TSPAN14: variants seen among roughly 807,000 people sequenced by gnomAD.
TSPAN14 encodes tetraspanin 14, also known as tetraspanin-14.
Under a neutral mutation model 36.6 loss-of-function variants are expected in TSPAN14, and 16 were observed. The ratio of observed to expected loss-of-function variants is 0.44; its 90% CI spans 0.30 to 0.66. TSPAN14 has a LOEUF of 0.66. TSPAN14 is among the 30% of genes least tolerant of loss of function. The pLI is 0.12. For synonymous variants in TSPAN14, 139 were observed against 143.8 expected (o/e 0.97, Z 0.24); for missense variants, 231 against 355.1 (o/e 0.65, Z 2.81).
intron 6 of TSPAN14, among the ~76,000 whole-genome samples, 196 bp from the exon 7 acceptor site, chr10:80,513,823 C>T (rs959177057): frequency 6.6e-6 from 1 of 152,236 alleles, no homozygotes; most frequent in East Asian, 1.9e-4. Flanking sequence ...GAAGTACTCA[C>T]TCTCTAGCCC....
chr10:80,501,855 A>T (rs1437031616), intron 2 of TSPAN14, among the ~76,000 whole-genome samples: 1 of 152,116 alleles, frequency 6.6e-6, no homozygotes, highest in Non-Finnish European at 1.5e-5. Context: ...AATCCTGGGG[A>T]GTCACTCATG....
rs1589237968 is a variant in TSPAN14, at chr10:80,466,254, C to T, written c.-18+11883C>T. ...ATAGGGTTGCACCTTGGAGTGTCCT[C>T]ATTTTATTTTATTTTTTGACATGGA... On this transcript the variant is annotated intron_variant, in intron 1 of 8. Coordinates refer to ENST00000429989, the Ensembl canonical transcript of TSPAN14. Among the ~76,000 whole-genome samples, 6 of 152,194 alleles carry T rather than the reference C, an allele frequency of 3.9e-5. No homozygotes were observed. The South Asian group carries it at 1.2e-3, about 32-fold the overall frequency.
In TSPAN14 at chr10:80,509,548, T is replaced by C; in HGVS notation, c.450+77T>C. 1 of 1,485,910 alleles carries C rather than the reference T, an allele frequency of 6.7e-7. No homozygotes were observed. Among genetic ancestry groups the C allele is most frequent in the Non-Finnish European group, 9.1e-7 (1 of 1,095,030 alleles). 92.0% of individuals were successfully genotyped at this position (1,485,910 alleles called of 1,614,324 possible). A position where few individuals can be genotyped will look rare whatever the true frequency, so the allele number is the denominator to read the frequency against. ...CCTGGAGCTGAGTCTAGCAGGGGCA[T>C]CAGGCCTTCTCTGTGGGTTGTCTGC... On this transcript the variant is annotated intron_variant, in intron 5 of 8. Coordinates refer to ENST00000429989, the Ensembl canonical transcript of TSPAN14. The surrounding 1 kb of genome is among the most constrained non-coding windows in gnomAD (Gnocchi z 4.7).
At chr10:80,464,127 G>C (rs568027741) in intron 1 of TSPAN14, among the ~76,000 whole-genome samples, 1 of 152,316 alleles carries the variant, frequency 6.6e-6, no homozygotes, top group South Asian at 2.1e-4. Context: ...TGTGAAGGGG[G>C]AGCGTTGGTT....
At chr10:80,466,383 A>G (rs1846248505) in intron 1 of TSPAN14, 1 of 152,190 alleles carries the variant, frequency 6.6e-6, no homozygotes, top group African/African-American at 2.4e-5. Context: ...CTTTCCCAGT[A>G]GCTGAAACCA....
intron 1 of TSPAN14, among the ~76,000 whole-genome samples, chr10:80,468,362 C>G (rs1318113844): frequency 6.6e-6 from 1 of 152,158 alleles, no homozygotes; most frequent in Non-Finnish European, 1.5e-5. Context: ...GCTTTTACAG[C>G]TGAGAAATGG....
chr10:80,456,279 G>A (rs1199693041), intron 1 of TSPAN14, among the ~76,000 whole-genome samples: 1 of 152,168 alleles, frequency 6.6e-6, no homozygotes, highest in Non-Finnish European at 1.5e-5. Flanking sequence ...GAGCCCATGG[G>A]TGCTTCTGAA....
intron 1 of TSPAN14, among the ~76,000 whole-genome samples, chr10:80,483,088 T>C (rs1847383922): frequency 6.6e-6 from 1 of 152,202 alleles, no homozygotes; most frequent in East Asian, 1.9e-4. Flanking sequence ...CAGTTGAGAA[T>C]GTGCTACTTT....
At chr10:80,467,034 T>C (rs1445376474) in intron 1 of TSPAN14, among the ~76,000 whole-genome samples, 1 of 152,234 alleles carries the variant, frequency 6.6e-6, no homozygotes. Flanking sequence ...ACCAATACAC[T>C]GGGTTAGAGC....
intron 5 of TSPAN14, chr10:80,510,034 C>T: frequency 6.5e-6 from 1 of 153,970 alleles, no homozygotes; most frequent in Non-Finnish European, 1.4e-5. Context: ...CAGGCTATGG[C>T]CTTTACTCCA....
exon 9 of TSPAN14, chr10:80,519,228 C>G (rs577523553): frequency 6.5e-6 from 1 of 152,758 alleles, no homozygotes; most frequent in Non-Finnish European, 1.5e-5. Context: ...TGCAGCTGCT[C>G]AGAAGCTCCA....
chr10:80,483,190 T>C (rs1282678786), intron 1 of TSPAN14, among the ~76,000 whole-genome samples: 1 of 152,182 alleles, frequency 6.6e-6, no homozygotes, highest in African/African-American at 2.4e-5. Context: ...GCCAGCCTTA[T>C]ATATTGTAGC....
chr10:80,508,013 GA>G (rs1385463919), intron 4 of TSPAN14, among the ~76,000 whole-genome samples: 2 of 143,996 alleles, frequency 1.4e-5, no homozygotes. Context: ...TTTTTCTCTG[GA>G]AAAAAAAAAG....
chr10:80,517,406 C>T (rs1840994417), intron 8 of TSPAN14, among the ~76,000 whole-genome samples: 1 of 152,232 alleles, frequency 6.6e-6, no homozygotes, highest in Non-Finnish European at 1.5e-5. Context: ...TCAGTCTCCT[C>T]TCATGATTTC....
chr10:80,504,149 G>C (rs1250696792), intron 2 of TSPAN14, among the ~76,000 whole-genome samples: 1 of 152,236 alleles, frequency 6.6e-6, no homozygotes, highest in Non-Finnish European at 1.5e-5. Context: ...GCTCATTGTA[G>C]TTAACAGTAG....
At chr10:80,481,106 A>G (rs998483424) in intron 1 of TSPAN14, among the ~76,000 whole-genome samples, 5 of 151,822 alleles carry the variant, frequency 3.3e-5, no homozygotes, top group Non-Finnish European at 5.9e-5. Flanking sequence ...CTCTGTTTCA[A>G]AAAAAAAGAG....
intron 1 of TSPAN14, among the ~76,000 whole-genome samples, chr10:80,479,396 G>A (rs1847116697): frequency 6.6e-6 from 1 of 151,928 alleles, no homozygotes; most frequent in Admixed American, 6.6e-5. Flanking sequence ...GTAATGCCTA[G>A]GTTTTCTTCT....
At chr10:80,464,485 G>C (rs1476612263) in intron 1 of TSPAN14, among the ~76,000 whole-genome samples, 1 of 152,188 alleles carries the variant, frequency 6.6e-6, no homozygotes, top group African/African-American at 2.4e-5. Context: ...TTGTTTCCCT[G>C]TGTGGCTTTC....
At chr10:80,476,206 T>G (rs1191078747) in intron 1 of TSPAN14, among the ~76,000 whole-genome samples, 1 of 151,890 alleles carries the variant, frequency 6.6e-6, no homozygotes, top group Non-Finnish European at 1.5e-5. Flanking sequence ...ACCCTGTCTC[T>G]TAAAAAAAAT....
Sources: allele counts gnomAD v4.1 joint callset (sites outside exome capture counted in the v4.1 genomes callset), GRCh38; gene constraint gnomAD v4.1.1; non-coding constraint Gnocchi (gnomAD v3.1); transcripts MANE v1.5; gene names NCBI Gene and HGNC (gene_info 2026-07-23, HGNC 2026-07-21).